The following PAICS variants were observed in gnomAD, a reference collection of about 807,000 sequenced individuals.
PAICS encodes the protein phosphoribosylaminoimidazole carboxylase and phosphoribosylaminoimidazolesuccinocarboxamide synthase.
PAICS carries 33 observed loss-of-function variants against 53.7 expected under a neutral mutation model. The ratio of observed to expected loss-of-function variants is 0.61; its 90% CI spans 0.47 to 0.82. The LOEUF is 0.82. PAICS is among the 40% of genes least tolerant of loss of function. PAICS has a pLI of 0.00. For synonymous variants in PAICS, 141 were observed against 167.2 expected, an observed-to-expected ratio of 0.84 and a Z score of 1.21; for missense variants, 394 against 494.1, an observed-to-expected ratio of 0.80 and a Z score of 1.92.
chr4:56,448,515 T>A lies in PAICS; in HGVS notation c.491T>A (p.Ile164Asn). The change falls in exon 4 of 9, where the codon ATC becomes AAC. Residue 164 changes from isoleucine (I) to asparagine (N), a missense_variant. Physicochemically the swap from Ile to Asn is moderately radical, Grantham distance 149. Transcript: ENST00000512576. ...CTTATAGGCCAGACTGAAGTGGATA[T>A]CATGAGTCATGCTACACAGGCTATA... ...GLLIGQTEVDIMSHATQAIFE... is the reference protein window; with the variant it reads ...GLLIGQTEVDNMSHATQAIFE... The A allele has an allele frequency of 2.5e-6, 4 of 1,612,380 alleles. No homozygotes were observed. The highest frequency in any genetic ancestry group is 3.4e-6 in the Non-Finnish European group (4 of 1,178,792).
At chr4:56,435,642 G>A, upstream of PAICS, 1 of 1,436,368 alleles carries the variant, frequency 7.0e-7, no homozygotes, top group South Asian at 1.4e-5. Context: ...TCCCTAGGTG[G>A]CGTGGCCAGC....
upstream of PAICS, among the ~76,000 whole-genome samples, chr4:56,434,633 G>A (rs531544734): frequency 1.8e-4 from 28 of 152,312 alleles, no homozygotes; most frequent in South Asian, 5.8e-3. Flanking sequence ...GAAGAAGGGA[G>A]TTAATTTTTG....
intron 1 of PAICS, among the ~76,000 whole-genome samples, chr4:56,440,896 A>G (rs192421550): frequency 6.6e-5 from 10 of 152,304 alleles, no homozygotes; most frequent in African/African-American, 2.4e-4. Context: ...TTAAGTTCCT[A>G]AACATCTGTT....
the PAICS span, among the ~76,000 whole-genome samples, chr4:56,412,763 C>A: frequency 1.3e-5 from 2 of 152,120 alleles, no homozygotes; most frequent in African/African-American, 4.8e-5. Flanking sequence ...TATGACTAAC[C>A]AGAACTTCAT....
At chr4:56,438,595 G>T (rs1278613544) in intron 1 of PAICS, among the ~76,000 whole-genome samples, 1 of 151,170 alleles carries the variant, frequency 6.6e-6, no homozygotes, top group Non-Finnish European at 1.5e-5. Flanking sequence ...CACCACACCC[G>T]GCTAATTTTT....
At chr4:56,425,162 G>A in the PAICS span, among the ~76,000 whole-genome samples, 3 of 152,052 alleles carry the variant, frequency 2.0e-5, no homozygotes, top group African/African-American at 4.8e-5. Context: ...CAAAGGGTAC[G>A]CTAAGAATTA....
At position 56,447,418 on chromosome 4, in the gene PAICS, A is replaced by G. The variant is rs13434512; in HGVS notation, c.393+545A>G. On this transcript the variant is annotated intron_variant, in intron 3 of 8. Coordinates refer to ENST00000512576, the MANE Select transcript of PAICS (RefSeq NM_001079524.2). Reference sequence around the variant, plus strand: ...AGAATTTATAAAGATATTGTCATGTAAAGTTGGGACACTGCTGAGAATAAA... The same window carrying G: ...AGAATTTATAAAGATATTGTCATGTGAAGTTGGGACACTGCTGAGAATAAA... Among the ~76,000 whole-genome samples, 983 of 152,256 alleles carry G rather than the reference A, an allele frequency of 6.5e-3. 13 individuals carry two copies. Among genetic ancestry groups the G allele is most frequent in the African/African-American group, 0.022 (929 of 41,546 alleles).
the PAICS span, chr4:56,419,685 AAGCACTGGAC>A: frequency 1.0e-6 from 1 of 983,848 alleles, no homozygotes; most frequent in East Asian, 1.1e-4. Context: ...TGAAGGAGGA[AAGCACTGGAC>A]TGTGCCAGAA....
At chr4:56,433,110 T>C (rs921249177), upstream of PAICS, among the ~76,000 whole-genome samples, 22 of 151,720 alleles carry the variant, frequency 1.5e-4, no homozygotes, top group Admixed American at 5.3e-4. Flanking sequence ...TAAGGGAGTG[T>C]CATTGTTCTT....
chr4:56,456,290 C>A (rs1209014369), intron 8 of PAICS, among the ~76,000 whole-genome samples: 2 of 152,184 alleles, frequency 1.3e-5, no homozygotes, highest in Non-Finnish European at 2.9e-5. Flanking sequence ...TGTGGTTTCA[C>A]CATGTTGGCC....
rs114816761 is a variant in PAICS at position 56,440,759 on chromosome 4, A to C, written c.17-904A>C. 2.3e-3 allele frequency among the ~76,000 whole-genome samples: 351 copies of C among 152,180 alleles called. 3 individuals are homozygous for C. Among genetic ancestry groups the C allele is most frequent in the African/African-American group, 8.3e-3 (343 of 41,522 alleles). ...CTTATTTAATATCAGCTCCCCTCAG[A>C]CTCAGGTCTCTTGAGAGCAGGAATT... On this transcript the variant is annotated intron_variant, in intron 1 of 8. Coordinates refer to ENST00000512576, the MANE Select transcript of PAICS (RefSeq NM_001079524.2).
chr4:56,410,700 A>C, the PAICS span: 1 of 986,624 alleles, frequency 1.0e-6, no homozygotes, highest in Non-Finnish European at 1.2e-6. Flanking sequence ...TGCTGGGCTA[A>C]GTACAAAAAT....
chr4:56,425,979 T>G, the PAICS span, among the ~76,000 whole-genome samples: 1 of 152,178 alleles, frequency 6.6e-6, no homozygotes, highest in Non-Finnish European at 1.5e-5. Flanking sequence ...CTCAGCAACT[T>G]TTCTGAGATG....
At chr4:56,423,666 T>C in the PAICS span, among the ~76,000 whole-genome samples, 4 of 151,930 alleles carry the variant, frequency 2.6e-5, no homozygotes, top group African/African-American at 9.7e-5. Flanking sequence ...CAAGTTTTTT[T>C]TTTTGTTTGG....
intron 1 of PAICS, among the ~76,000 whole-genome samples, chr4:56,439,762 C>T (rs1285289517): frequency 1.3e-5 from 2 of 151,956 alleles, no homozygotes; most frequent in Non-Finnish European, 2.9e-5. Context: ...GTAGCTGAGA[C>T]TACAGGCATG....
intron 7 of PAICS, 28 bp downstream of exon 7, chr4:56,452,080 A>C: frequency 1.4e-6 from 2 of 1,444,918 alleles, no homozygotes; most frequent in Non-Finnish European, 1.9e-6. Flanking sequence ...TGGACATTTC[A>C]GGTATTTCTG....
At chr4:56,436,446 C>A in intron 1 of PAICS, 118 bp downstream of exon 1, 1 of 887,728 alleles carries the variant, frequency 1.1e-6, no homozygotes, top group Non-Finnish European at 1.8e-6. Flanking sequence ...CTCTAGGCAG[C>A]CGCGCGGGCG....
At chr4:56,427,756 CCT>C in the PAICS span, among the ~76,000 whole-genome samples, 1 of 152,094 alleles carries the variant, frequency 6.6e-6, no homozygotes, top group East Asian at 1.9e-4. Context: ...ATGCCTTCCC[CCT>C]GTCACCCCCT....
In PAICS at chr4:56,462,092, A is replaced by G. The variant is rs1274591286; in HGVS notation, c.*2554A>G. On this transcript the variant is annotated 3_prime_UTR_variant, in exon 9 of 9. Transcript: ENST00000512576. ...GGGGAAAACAAACCATAAAAAGGTA[A>G]ACAGTATAAAATCAGGAAAGGATAA... The G allele has an allele frequency of 1.3e-5, 2 of 152,242 alleles. No individual in the cohort carries two copies. The highest frequency in any genetic ancestry group is 1.3e-4 in the Admixed American group (2 of 15,288). The allele number at this position is 152,242 out of a possible 1,614,324, so 9.4% of individuals were successfully genotyped here.
Sources: allele counts gnomAD v4.1 joint callset (sites outside exome capture counted in the v4.1 genomes callset), GRCh38; gene constraint gnomAD v4.1.1; transcripts MANE v1.5; gene names NCBI Gene and HGNC (gene_info 2026-07-23, HGNC 2026-07-21).